Variants in DOCK8 observed in about 807,000 individuals in gnomAD.
DOCK8 encodes the protein dedicator of cytokinesis protein 8.
Under a neutral mutation model 245.6 loss-of-function variants are expected in DOCK8, and 141 were observed. That is an observed-to-expected ratio of 0.57 (90% confidence interval 0.50 to 0.66). DOCK8 has a LOEUF of 0.66. DOCK8 is among the 30% of genes least tolerant of loss of function. DOCK8 has a pLI of 0.00. For missense variants in DOCK8, 2,965 were observed against 2,603.4 expected (o/e 1.14, Z -3.02); for synonymous variants, 1,168 against 970.2 (o/e 1.20, Z -3.79).
upstream of DOCK8, chr9:214,279 T>C: frequency 1.9e-6 from 1 of 523,182 alleles, no homozygotes; most frequent in Non-Finnish European, 3.3e-6. Context: ...GCCTTCAGTG[T>C]TTCTCCGGAG....
chr9:370,768 CTAT>C (rs2053251752), intron 16 of DOCK8, among the ~76,000 whole-genome samples: 1 of 152,114 alleles, frequency 6.6e-6, no homozygotes. Context: ...AATGCCCACC[CTAT>C]TATTCATGTT....
At chr9:314,508 A>G (rs1256250812) in intron 6 of DOCK8, 2 of 152,218 alleles carry the variant, frequency 1.3e-5, no homozygotes, top group African/African-American at 2.4e-5. Flanking sequence ...CTTTGAAACA[A>G]TGCAGACGCT....
intron 1 of DOCK8, among the ~76,000 whole-genome samples, chr9:265,445 A>G (rs2048014777): frequency 6.6e-6 from 1 of 152,186 alleles, no homozygotes; most frequent in Non-Finnish European, 1.5e-5. Flanking sequence ...ACGTATCACT[A>G]GCTTTGTACT....
intron 20 of DOCK8, among the ~76,000 whole-genome samples, chr9:378,106 T>A (rs1453954781): frequency 1.3e-5 from 2 of 152,286 alleles, no homozygotes; most frequent in African/African-American, 4.8e-5. Flanking sequence ...TCAGAGGACT[T>A]ATAATATGGC....
intron 1 of DOCK8, among the ~76,000 whole-genome samples, chr9:267,773 A>C (rs181661623): frequency 6.1e-4 from 93 of 152,276 alleles, no homozygotes; most frequent in Non-Finnish European, 2.2e-4. Flanking sequence ...TATATTTTGT[A>C]GTATTATTTG....
chr9:407,928 C>G (rs533077387), intron 28 of DOCK8, among the ~76,000 whole-genome samples: 10 of 152,270 alleles, frequency 6.6e-5, no homozygotes, highest in African/African-American at 2.4e-4. Context: ...TTCAACACTT[C>G]TGGTGTTTAG....
At chr9:215,227 G>A in intron 1 of DOCK8, 198 bp downstream of exon 1, 2 of 1,557,844 alleles carry the variant, frequency 1.3e-6, no homozygotes, top group Non-Finnish European at 1.7e-6. Flanking sequence ...GCTGGGCCCG[G>A]CGAGGTCCTC....
At chr9:351,716 G>T (rs1241217603) in intron 14 of DOCK8, among the ~76,000 whole-genome samples, 1 of 152,186 alleles carries the variant, frequency 6.6e-6, no homozygotes, top group African/African-American at 2.4e-5. Context: ...CAGGAAGTTT[G>T]CCTCTTTATG....
intron 5 of DOCK8, among the ~76,000 whole-genome samples, chr9:311,183 G>T (rs774837954): frequency 4.6e-5 from 7 of 151,990 alleles, no homozygotes; most frequent in Non-Finnish European, 1.0e-4. Context: ...TGCTAGGGAG[G>T]CCGACGCAGG....
chr9:411,725 A>G (rs1015263978), intron 28 of DOCK8, among the ~76,000 whole-genome samples: 1 of 152,138 alleles, frequency 6.6e-6, no homozygotes, highest in Non-Finnish European at 1.5e-5. Context: ...ACAGCATATA[A>G]AAAGGATTAT....
At chr9:425,389 G>A (rs759705368) in intron 33 of DOCK8, among the ~76,000 whole-genome samples, 55 of 152,036 alleles carry the variant, frequency 3.6e-4, no homozygotes, top group Admixed American at 7.2e-4. Flanking sequence ...AAAAGTAGCC[G>A]GGCGCGGTGG....
intron 46 of DOCK8, chr9:456,920 C>T (rs1393551558): frequency 1.4e-4 from 22 of 152,138 alleles, no homozygotes; most frequent in Admixed American, 1.4e-3. Context: ...CTCACTGGCA[C>T]CAGTTACAGC....
intron 26 of DOCK8, among the ~76,000 whole-genome samples, chr9:400,279 AC>A (rs2054814155): frequency 1.4e-4 from 7 of 48,300 alleles, no homozygotes; most frequent in African/African-American, 1.4e-3. Context: ...CATCACCACC[AC>A]TTCCTTCACC....
Position 399,259 on chromosome 9 carries a change from G to A in DOCK8, c.3234G>A (p.Gln1078=). 7.5e-6 allele frequency: 12 copies of A among 1,609,978 alleles called. No homozygotes were observed. Among genetic ancestry groups the A allele is most frequent in the Non-Finnish European group, 1.0e-5 (12 of 1,178,318 alleles). The part of the protein sequence containing the change: ...VFNLIRHYCS[Q]LSAKLSNLPT... Reference sequence around the variant, plus strand: ...ACCTCATCAGACATTATTGCAGCCAGGTGAGTGTCCCCCCCACCCCCACCC... The same window carrying A: ...ACCTCATCAGACATTATTGCAGCCAAGTGAGTGTCCCCCCCACCCCCACCC... Residue 1078 remains glutamine (Q), a splice_region_variant and synonymous_variant, in exon 26 of 48, where the codon CAG becomes CAA. Transcript: ENST00000432829.
intron 1 of DOCK8, among the ~76,000 whole-genome samples, chr9:227,188 A>G (rs1387299385): frequency 6.6e-6 from 1 of 152,248 alleles, no homozygotes; most frequent in Non-Finnish European, 1.5e-5. Context: ...AGAAGCAATT[A>G]TAAAATAAAT....
chr9:386,453 A>G (rs1410982960), intron 23 of DOCK8, 27 bp downstream of exon 23: 3 of 1,594,490 alleles, frequency 1.9e-6, no homozygotes, highest in South Asian at 1.1e-5. Flanking sequence ...TGTGAGGTTC[A>G]TCCCAGGATA....
chr9:396,992 C>G, intron 25 of DOCK8, 58 bp downstream of exon 25: 6 of 1,524,514 alleles, frequency 3.9e-6, no homozygotes, highest in Non-Finnish European at 5.4e-6. Context: ...ATATTACTTT[C>G]ATAATCAGAG....
At chr9:214,585 C>T, upstream of DOCK8, 2 of 1,614,068 alleles carry the variant, frequency 1.2e-6, no homozygotes, top group Non-Finnish European at 1.7e-6. Context: ...CCCTGGCAGC[C>T]TCGCAGCTTC....
At chr9:263,461 T>C (rs1364689787) in intron 1 of DOCK8, among the ~76,000 whole-genome samples, 4 of 152,218 alleles carry the variant, frequency 2.6e-5, no homozygotes, top group Non-Finnish European at 5.9e-5. Flanking sequence ...CTATGTATAT[T>C]TTAAACTTCA....
Sources: gnomAD v4.1 joint callset for allele counts (sites outside exome capture counted in the v4.1 genomes callset) on GRCh38, gnomAD v4.1.1 for gene constraint, MANE v1.5 for transcripts, NCBI Gene and HGNC (gene_info 2026-07-23, HGNC 2026-07-21) for gene names.